The following TMEM167B variants were observed in gnomAD, a reference collection of about 807,000 sequenced individuals.
TMEM167B encodes the protein protein kish-B.
A neutral mutation model predicts 9.4 loss-of-function variants in TMEM167B; 2 were observed. That is an observed-to-expected ratio of 0.21 (90% CI 0.09 to 0.67). TMEM167B has a LOEUF of 0.67. Among genes scored for constraint, TMEM167B ranks in the 30% least tolerant of loss-of-function variants. The pLI, the probability that TMEM167B is intolerant of heterozygous loss-of-function variation, is 0.82. For synonymous variants in TMEM167B, 28 were observed against 32.0 expected (o/e 0.87, Z 0.42); for missense variants, 68 against 87.6 (o/e 0.78, Z 0.89).
intron 2 of TMEM167B, 42 bp from the exon 3 acceptor site, chr1:109,094,375 G>A: frequency 2.5e-6 from 4 of 1,601,364 alleles, no homozygotes; most frequent in Non-Finnish European, 3.4e-6. Context: ...GAGGACTTCG[G>A]TGAAGGGCAG....
chr1:109,094,569 A>G lies in TMEM167B; in HGVS notation c.*70A>G. The stretch of plus-strand genomic sequence containing the variant: ...GATGAAGAACCTGTTGGAGACCTGA[A>G]CCCAGTGTAGGAGAGTTCAGCTGAA... On this transcript the variant is annotated 3_prime_UTR_variant, in exon 3 of 3. Coordinates refer to ENST00000338272, the MANE Select transcript of TMEM167B (RefSeq NM_020141.4). 2 of 1,481,982 alleles carry G rather than the reference A, an allele frequency of 1.3e-6. No individual in the cohort carries two copies. Among genetic ancestry groups the G allele is most frequent in the Non-Finnish European group, 1.9e-6 (2 of 1,062,036 alleles). The allele number at this position is 1,481,982 out of a possible 1,614,324, so 91.8% of individuals were successfully genotyped here. A position where few individuals can be genotyped will look rare whatever the true frequency, so the allele number is the denominator to read the frequency against.
chr1:109,090,962 G>A, intron 1 of TMEM167B, 80 bp downstream of exon 1: 2 of 1,502,464 alleles, frequency 1.3e-6, no homozygotes, highest in Non-Finnish European at 1.8e-6. Flanking sequence ...GACTGACGTG[G>A]CCGTTCTCCC....
chr1:109,093,031 T>C lies in TMEM167B; in HGVS notation c.142+10T>C. ...GGTGTGTTTTACAAAGGTGAGGCCA[T>C]GTCTGGACAGGGAGAAGAGACTGCC... On this transcript the variant is annotated intron_variant, in intron 2 of 2. Transcript: ENST00000338272. 3 of 1,614,024 alleles carry C rather than the reference T, an allele frequency of 1.9e-6. No homozygotes were observed. Among genetic ancestry groups the C allele is most frequent in the Non-Finnish European group, 2.5e-6 (3 of 1,179,952 alleles).
In TMEM167B at chr1:109,095,126, A is replaced by G. The variant is rs752725985; in HGVS notation, c.*627A>G. The G allele has an allele frequency of 6.6e-6, 1 of 152,238 alleles. No homozygotes were observed. The highest frequency in any genetic ancestry group is 1.5e-5 in the Non-Finnish European group (1 of 68,056). 9.4% of individuals were successfully genotyped at this position (152,238 alleles called of 1,614,324 possible). A position where few individuals can be genotyped will look rare whatever the true frequency, so the allele number is the denominator to read the frequency against. Reference sequence around the variant, plus strand: ...TGCTGGTATCTTGAGAGTTTTGCCAAGAAAATCTGGGCCTACATAAAATTT... The same window carrying G: ...TGCTGGTATCTTGAGAGTTTTGCCAGGAAAATCTGGGCCTACATAAAATTT... On this transcript the variant is annotated 3_prime_UTR_variant, in exon 3 of 3. Coordinates refer to ENST00000338272, the MANE Select transcript of TMEM167B (RefSeq NM_020141.4).
Position 109,094,523 on chromosome 1 carries a change from A to C in TMEM167B, c.*24A>C. The C allele has an allele frequency of 6.2e-7, 1 of 1,611,372 alleles. No homozygotes were observed. Among genetic ancestry groups the C allele is most frequent in the South Asian group, 1.1e-5 (1 of 90,990 alleles). On this transcript the variant is annotated 3_prime_UTR_variant, in exon 3 of 3. Coordinates refer to ENST00000338272, the MANE Select transcript of TMEM167B (RefSeq NM_020141.4). ...GAATTCCAAAGCACCCAAGTCATCA[A>C]CTGCCAACCAAGGGGACGGGGATGA... is the stretch of plus-strand genomic sequence containing the variant.
chr1:109,094,101 G>A (rs1432703427), intron 2 of TMEM167B, among the ~76,000 whole-genome samples: 1 of 152,204 alleles, frequency 6.6e-6, no homozygotes, highest in Non-Finnish European at 1.5e-5. Flanking sequence ...CCAAGATGGT[G>A]AAACCCCATC....
intron 1 of TMEM167B, chr1:109,091,584 G>A (rs1664451642): frequency 6.6e-6 from 1 of 152,230 alleles, no homozygotes; most frequent in South Asian, 2.1e-4. Context: ...CAGGAAAGGA[G>A]AAGAGAAAGC....
intron 1 of TMEM167B, 95 bp downstream of exon 1, chr1:109,090,977 C>T: frequency 7.0e-7 from 1 of 1,438,452 alleles, no homozygotes; most frequent in Non-Finnish European, 9.4e-7. Context: ...TCTCCCCGCC[C>T]CCTCCCAGCC....
At position 109,095,409 on chromosome 1, in the gene TMEM167B, G is replaced by A. The variant is rs1041762416; in HGVS notation, c.*910G>A. 2.0e-5 allele frequency: 3 copies of A among 151,724 alleles called. No individual in the cohort carries two copies. The highest frequency in any genetic ancestry group is 4.4e-5 in the Non-Finnish European group (3 of 67,972). 9.4% of individuals were successfully genotyped at this position (151,724 alleles called of 1,614,324 possible). A position where few individuals can be genotyped will look rare whatever the true frequency, so the allele number is the denominator to read the frequency against. On this transcript the variant is annotated 3_prime_UTR_variant, in exon 3 of 3. Coordinates refer to ENST00000338272, the MANE Select transcript of TMEM167B (RefSeq NM_020141.4). ...AATTGTTTAGTATATTTGCAGTTGG[G>A]GTAGAAGAAAGAAATCTAGTATATT...
rs1553245685 is a variant in TMEM167B at position 109,095,188 on chromosome 1, C to G, written c.*689C>G. On this transcript the variant is annotated 3_prime_UTR_variant, in exon 3 of 3. Coordinates refer to ENST00000338272, the MANE Select transcript of TMEM167B (RefSeq NM_020141.4). The stretch of plus-strand genomic sequence containing the variant: ...GTGTGATGAGACCAGAAAGCAGTGG[C>G]TTAGACAAGAAAAAATCTTTCTGTT... 6.6e-6 allele frequency: 1 copy of G among 152,112 alleles called. No homozygotes were observed. The highest frequency in any genetic ancestry group is 6.5e-5 in the Admixed American group (1 of 15,268). 9.4% of individuals were successfully genotyped at this position (152,112 alleles called of 1,614,324 possible).
Position 109,096,851 on chromosome 1 carries a change from C to G in TMEM167B, c.*2352C>G, listed in dbSNP as rs1484879567. 2 of 152,336 alleles carry G rather than the reference C, an allele frequency of 1.3e-5. No individual in the cohort carries two copies. The highest frequency in any genetic ancestry group is 2.9e-5 in the Non-Finnish European group (2 of 68,030). 9.4% of individuals were successfully genotyped at this position (152,336 alleles called of 1,614,324 possible). On this transcript the variant is annotated 3_prime_UTR_variant, in exon 3 of 3. Transcript: ENST00000338272. ...CCTGTAGGCCAGGGTGGAATGAAGT[C>G]AGCTCCTTTTTATAGTTGAAATACA... is the stretch of plus-strand genomic sequence containing the variant.
Position 109,094,506 on chromosome 1 carries a change from A to C in TMEM167B, c.*7A>C, listed in dbSNP as rs763365472. The C allele has an allele frequency of 3.7e-6, 6 of 1,613,420 alleles. No homozygotes were observed. The highest frequency in any genetic ancestry group is 1.3e-5 in the African/African-American group (1 of 74,882). The stretch of plus-strand genomic sequence containing the variant: ...CGTCCTGTTTATAAAATGAATTCCA[A>C]AGCACCCAAGTCATCAACTGCCAAC... On this transcript the variant is annotated 3_prime_UTR_variant, in exon 3 of 3. Transcript: ENST00000338272.
Position 109,094,424 on chromosome 1 carries a change from G to A in TMEM167B, c.150G>A (p.Val50=). The change falls in exon 3 of 3, where the codon GTG becomes GTA. Residue 50 remains valine, a synonymous_variant. Transcript: ENST00000338272. ...GVWGVFYKAA[V]IGTRLHAAVA... ...CTCTCTTTTGCCTGCTAGCCGCTGT[G>A]ATTGGAACCAGGCTGCATGCTGCTG... 1 of 1,614,052 alleles carries A rather than the reference G, an allele frequency of 6.2e-7. No homozygotes were observed. The highest frequency in any genetic ancestry group is 8.5e-7 in the Non-Finnish European group (1 of 1,180,030).
intron 1 of TMEM167B, 93 bp from the exon 2 acceptor site, chr1:109,092,797 G>A: frequency 7.0e-7 from 1 of 1,428,018 alleles, no homozygotes; most frequent in Non-Finnish European, 9.6e-7. Context: ...TTGTTATTAT[G>A]TCACACACTA....
intron 2 of TMEM167B, 65 bp from the exon 3 acceptor site, chr1:109,094,352 T>C: frequency 6.6e-7 from 1 of 1,518,182 alleles, no homozygotes; most frequent in Non-Finnish European, 9.1e-7. Flanking sequence ...CTTCAAAATA[T>C]CACCTTGAAA....
chr1:109,092,361 A>T (rs943359279), intron 1 of TMEM167B, among the ~76,000 whole-genome samples: 1 of 152,180 alleles, frequency 6.6e-6, no homozygotes, highest in African/African-American at 2.4e-5. Flanking sequence ...TGCACATCTG[A>T]CAGTTTTGGC....
At chr1:109,093,699 A>G (rs1372722489) in intron 2 of TMEM167B, 1 of 152,204 alleles carries the variant, frequency 6.6e-6, no homozygotes, top group Non-Finnish European at 1.5e-5. Flanking sequence ...GGTTTGAGTT[A>G]ATTAACTCAG....
In TMEM167B at chr1:109,094,607, C is replaced by G. The variant is rs551001; in HGVS notation, c.*108C>G. 181,954 of 1,003,986 alleles carry G rather than the reference C, an allele frequency of 0.18. 17,481 individuals carry two copies. Among genetic ancestry groups the G allele is most frequent in the African/African-American group, 0.26 (16,396 of 63,382 alleles). The allele number at this position is 1,003,986 out of a possible 1,614,324, so 62.2% of individuals were successfully genotyped here. On this transcript the variant is annotated 3_prime_UTR_variant, in exon 3 of 3. Coordinates refer to ENST00000338272, the MANE Select transcript of TMEM167B (RefSeq NM_020141.4). Reference sequence around the variant, plus strand: ...GAGTTCAGCTGAAATCATCGGTCCCCAGGATGACACCACAGCATCTGCCCC... The same window carrying G: ...GAGTTCAGCTGAAATCATCGGTCCCGAGGATGACACCACAGCATCTGCCCC...
chr1:109,096,280 GA>G lies in TMEM167B; in HGVS notation c.*1784del, dbSNP rs995992441. 2.0e-5 allele frequency: 3 copies of G among 152,182 alleles called. No individual in the cohort carries two copies. Among genetic ancestry groups the G allele is most frequent in the Non-Finnish European group, 4.4e-5 (3 of 68,028 alleles). 9.4% of individuals were successfully genotyped at this position (152,182 alleles called of 1,614,324 possible). ...TGAGGACCTTTGAGATGAGAGAAAG[GA>G]AATCTAGTGGAACAGGAAAGAGAGT... On this transcript the variant is annotated 3_prime_UTR_variant, in exon 3 of 3. Transcript: ENST00000338272.
Sources: gnomAD v4.1 joint callset for allele counts (sites outside exome capture counted in the v4.1 genomes callset) on GRCh38, gnomAD v4.1.1 for gene constraint, MANE v1.5 for transcripts, NCBI Gene and HGNC (gene_info 2026-07-23, HGNC 2026-07-21) for gene names.